Variants in BCAS3 observed in about 807,000 individuals in gnomAD.
BCAS3 encodes the protein BCAS3 microtubule associated cell migration factor.
In BCAS3, 53 loss-of-function variants were observed where a neutral mutation model predicts 116.1. That is an observed-to-expected ratio of 0.46 (90% CI 0.37 to 0.57). The LOEUF (loss-of-function observed/expected upper bound fraction) is 0.57, where lower values mean the gene tolerates loss of function less well. Among genes scored for constraint, BCAS3 ranks in the 20% least tolerant of loss-of-function variants. BCAS3 has a pLI of 0.00. For missense variants in BCAS3, 917 were observed against 1,165.4 expected, an observed-to-expected ratio of 0.79 and a Z score of 3.10; for synonymous variants, 391 against 408.2, an observed-to-expected ratio of 0.96 and a Z score of 0.51.
intron 22 of BCAS3, among the ~76,000 whole-genome samples, chr17:61,236,153 G>C (rs2083041181): frequency 6.6e-6 from 1 of 152,138 alleles, no homozygotes; most frequent in Admixed American, 6.5e-5. Context: ...AAAAGTGCCA[G>C]CTATCATACG....
At chr17:60,687,283 G>T (rs1377377772) in intron 3 of BCAS3, among the ~76,000 whole-genome samples, 2 of 152,166 alleles carry the variant, frequency 1.3e-5, no homozygotes, top group African/African-American at 4.8e-5. Context: ...AAAAGGAAAA[G>T]TGTGGCAGTA....
At chr17:60,728,353 T>C (rs1311209944) in intron 5 of BCAS3, among the ~76,000 whole-genome samples, 2 of 152,206 alleles carry the variant, frequency 1.3e-5, no homozygotes, top group Non-Finnish European at 2.9e-5. Flanking sequence ...TTTCTTTGAC[T>C]TAGTAATATG....
intron 22 of BCAS3, among the ~76,000 whole-genome samples, chr17:61,216,627 T>A (rs1331585011): frequency 1.3e-5 from 2 of 151,864 alleles, no homozygotes; most frequent in Non-Finnish European, 2.9e-5. Flanking sequence ...CACTGCAACC[T>A]CCATCTCCCG....
chr17:60,743,714 A>G lies in BCAS3; in HGVS notation c.322-3484A>G, dbSNP rs145930878. On this transcript the variant is annotated intron_variant, in intron 5 of 23. Coordinates refer to ENST00000407086, the MANE Select transcript of BCAS3 (RefSeq NM_017679.5). ...AAGTTTAGAAATAAGTTTGATTCTGAGGGCAAGATAACCTTCATTTGCTTT... is the reference window on the plus strand; with the variant it reads ...AAGTTTAGAAATAAGTTTGATTCTGGGGGCAAGATAACCTTCATTTGCTTT... Among the ~76,000 whole-genome samples, 1,249 of 152,266 alleles carry G rather than the reference A, an allele frequency of 8.2e-3. 12 individuals are homozygous for G. Among genetic ancestry groups the G allele is most frequent in the African/African-American group, 0.026 (1,085 of 41,538 alleles).
intron 14 of BCAS3, among the ~76,000 whole-genome samples, chr17:60,963,681 G>T (rs547783122): frequency 6.6e-6 from 1 of 151,068 alleles, no homozygotes; most frequent in South Asian, 2.1e-4. Flanking sequence ...TCAGCCTCCC[G>T]AGTAGCTGGG....
Position 60,888,561 on chromosome 17 carries a change from A to G in BCAS3, c.662-1134A>G, listed in dbSNP as rs116392358. On this transcript the variant is annotated intron_variant, in intron 9 of 23. Coordinates refer to ENST00000407086, the MANE Select transcript of BCAS3 (RefSeq NM_017679.5). ...TTCAATGGTCTAATCTATTGTGTAA[A>G]TACTACACAATTTATATTACAGTAT... is the stretch of plus-strand genomic sequence containing the variant. Among the ~76,000 whole-genome samples, 1,069 of 152,308 alleles carry G rather than the reference A, an allele frequency of 7.0e-3. 16 individuals are homozygous for G. The highest frequency in any genetic ancestry group is 0.024 in the African/African-American group (1,004 of 41,586).
At position 61,327,764 on chromosome 17, in the gene BCAS3, C is replaced by T. The variant is rs1292511419; in HGVS notation, c.2426-40563C>T. 6.6e-6 allele frequency among the ~76,000 whole-genome samples: 1 copy of T among 152,160 alleles called. No homozygotes were observed. The highest frequency in any genetic ancestry group is 6.5e-5 in the Admixed American group (1 of 15,280). On this transcript the variant is annotated intron_variant, in intron 22 of 23. Transcript: ENST00000407086. The surrounding 1 kb of genome is among the most constrained non-coding windows in gnomAD (Gnocchi z 5.9). ...GCCTCAAGTGGTCCAGCTGCCTCAG[C>T]CTCCCAAAGTGGTGGAATTACAGGC...
intron 2 of BCAS3, among the ~76,000 whole-genome samples, chr17:60,683,602 C>T (rs533394588): frequency 1.9e-4 from 23 of 122,596 alleles, no homozygotes; most frequent in African/African-American, 3.7e-4. Context: ...AAGACTGAGG[C>T]GGGAGGATCG....
chr17:60,989,580 C>G (rs1049842134), intron 14 of BCAS3, among the ~76,000 whole-genome samples: 1 of 151,814 alleles, frequency 6.6e-6, no homozygotes, highest in Non-Finnish European at 1.5e-5. Flanking sequence ...GACAGTGGAG[C>G]TTTTACATCC....
In BCAS3 at chr17:61,032,876, C is replaced by A. The variant is rs998374831; in HGVS notation, c.1638-1790C>A. Among the ~76,000 whole-genome samples the A allele has an allele frequency of 1.6e-4, 25 of 152,106 alleles. No individual in the cohort carries two copies. Among genetic ancestry groups the A allele is most frequent in the African/African-American group, 5.3e-4 (22 of 41,424 alleles). ...GAAGTGTTTTAAGAAATGTAAATGG[C>A]AGAAGAGGTTTCTTTCATATATAGT... On this transcript the variant is annotated intron_variant, in intron 16 of 23. Coordinates refer to ENST00000407086, the MANE Select transcript of BCAS3 (RefSeq NM_017679.5). The surrounding 1 kb of genome is among the most constrained non-coding windows in gnomAD (Gnocchi z 4.6).
In BCAS3 at chr17:61,365,321, A is replaced by G. The variant is rs2058668506; in HGVS notation, c.2426-3006A>G. 6.6e-6 allele frequency among the ~76,000 whole-genome samples: 1 copy of G among 152,044 alleles called. No homozygotes were observed. The highest frequency in any genetic ancestry group is 2.1e-4 in the South Asian group (1 of 4,824). On this transcript the variant is annotated intron_variant, in intron 22 of 23. Coordinates refer to ENST00000407086, the MANE Select transcript of BCAS3 (RefSeq NM_017679.5). The surrounding 1 kb of genome is among the most constrained non-coding windows in gnomAD (Gnocchi z 4.6). ...TTACCCTAACCTTTCTTGCTATAAC[A>G]TTGATTGATTGATTGACTGATTGAG...
intron 23 of BCAS3, among the ~76,000 whole-genome samples, chr17:61,385,927 A>G (rs2059823809): frequency 6.6e-6 from 1 of 152,222 alleles, no homozygotes; most frequent in Non-Finnish European, 1.5e-5. Context: ...ATCCTTCCCA[A>G]GCTCCGGTGG....
intron 6 of BCAS3, among the ~76,000 whole-genome samples, chr17:60,763,830 C>CT (rs1031215001): frequency 6.6e-5 from 10 of 152,050 alleles, no homozygotes; most frequent in African/African-American, 2.2e-4. Context: ...TGGTCCTGGA[C>CT]TTTTTTTGGT....
rs377402826 is a variant in BCAS3 at position 61,021,742 on chromosome 17, A to G, written c.1637+5841A>G. On this transcript the variant is annotated intron_variant, in intron 16 of 23. Transcript: ENST00000407086. The surrounding 1 kb of genome is among the most constrained non-coding windows in gnomAD (Gnocchi z 4.6). ...GAAGCATTAAATAGCATTTATTCAG[A>G]CACATCCAGTTGATATTTGTAGACC... is the stretch of plus-strand genomic sequence containing the variant. Among the ~76,000 whole-genome samples the G allele has an allele frequency of 3.3e-5, 5 of 152,194 alleles. No individual in the cohort carries two copies. The highest frequency in any genetic ancestry group is 7.3e-5 in the Non-Finnish European group (5 of 68,030).
chr17:61,368,311 C>T lies in BCAS3; in HGVS notation c.2426-16C>T, dbSNP rs773729606. 12 of 1,578,294 alleles carry T rather than the reference C, an allele frequency of 7.6e-6. 1 individual carries two copies. The South Asian group carries it at 1.1e-4, about 15-fold the overall frequency. ...AAGGTGTGGACTCAACGTCAGATGT[C>T]CCGTGTGTGCCACAGGTACCTTTGA... is the stretch of plus-strand genomic sequence containing the variant. On this transcript the variant is annotated splice_polypyrimidine_tract_variant and intron_variant, in intron 22 of 23. Coordinates refer to ENST00000407086, the MANE Select transcript of BCAS3 (RefSeq NM_017679.5). The surrounding 1 kb of genome is among the most constrained non-coding windows in gnomAD (Gnocchi z 6.0).
chr17:61,358,493 G>A (rs1435653102), intron 22 of BCAS3, among the ~76,000 whole-genome samples: 5 of 124,176 alleles, frequency 4.0e-5, no homozygotes, highest in South Asian at 5.5e-4. Context: ...AGTTGGGCAC[G>A]TTTTTAATTT....
chr17:61,236,629 T>C (rs1213346116), intron 22 of BCAS3, among the ~76,000 whole-genome samples: 1 of 152,184 alleles, frequency 6.6e-6, no homozygotes, highest in Non-Finnish European at 1.5e-5. Context: ...CACTGTAACC[T>C]TTATTAAGTG....
chr17:61,091,537 G>A (rs1011703869), intron 22 of BCAS3, among the ~76,000 whole-genome samples: 2 of 152,144 alleles, frequency 1.3e-5, no homozygotes, highest in African/African-American at 4.8e-5. Context: ...ATGCTTATAG[G>A]TGCCATCTAT....
chr17:60,847,950 G>A (rs775028058), intron 7 of BCAS3, among the ~76,000 whole-genome samples: 3 of 152,166 alleles, frequency 2.0e-5, no homozygotes, highest in Non-Finnish European at 4.4e-5. Flanking sequence ...CTATTTGTTT[G>A]CTCCTAAGAG....
Sources: allele counts gnomAD v4.1 joint callset (sites outside exome capture counted in the v4.1 genomes callset), GRCh38; gene constraint gnomAD v4.1.1; non-coding constraint Gnocchi (gnomAD v3.1); transcripts MANE v1.5; gene names NCBI Gene and HGNC (gene_info 2026-07-23, HGNC 2026-07-21).